The following SYNE2 variants were observed in gnomAD, a reference collection of about 807,000 sequenced individuals.
SYNE2 encodes the protein spectrin repeat containing nuclear envelope protein 2.
Under a neutral mutation model 856.3 loss-of-function variants are expected in SYNE2, and 431 were observed. The ratio of observed to expected loss-of-function variants is 0.50; its 90% confidence interval spans 0.47 to 0.55. The LOEUF is 0.55. Ranked by LOEUF, SYNE2 falls within the 20% of genes least tolerant of loss-of-function variation. The pLI, the probability that SYNE2 is intolerant of heterozygous loss-of-function variation, is 0.00. For synonymous variants in SYNE2, 2,923 were observed against 2,872.3 expected, an observed-to-expected ratio of 1.02 and a Z score of -0.56; for missense variants, 8,129 against 8,023.2, an observed-to-expected ratio of 1.01 and a Z score of -0.50.
At position 63,813,747 on chromosome 14, in the gene SYNE2, C is replaced by T. The variant is rs564724288; in HGVS notation, c.-304-38754C>T. Among the ~76,000 whole-genome samples, 10 of 152,158 alleles carry T rather than the reference C, an allele frequency of 6.6e-5. 1 individual carries two copies. The South Asian group carries it at 1.7e-3, about 25-fold the overall frequency. ...CACCAGCCTGGACAAAATGGTGAAA[C>T]TCCGTCTCTACTAAAAAAGTATTAG... On this transcript the variant is annotated intron_variant, in intron 1 of 23. Transcript: ENST00000674003.
chr14:64,038,114 C>T (rs1404372960), intron 45 of SYNE2, among the ~76,000 whole-genome samples: 16 of 152,012 alleles, frequency 1.1e-4, no homozygotes, highest in Non-Finnish European at 1.9e-4. Flanking sequence ...TGCTCCTCAT[C>T]TCCCAGACGG....
Position 64,007,157 on chromosome 14 carries a change from C to T in SYNE2, c.4512C>T (p.Thr1504=), listed in dbSNP as rs935097653. Residue 1504 remains threonine (T), a synonymous_variant, in exon 31 of 116, where the codon ACC becomes ACT. Transcript: ENST00000555002. ...LPHFKDGREK[T]VNQQCQNTVV... Reference sequence around the variant, plus strand: ...ACTTCAAAGATGGCAGAGAAAAAACCGTGAATCAACAGTGCCAAAATACAG... The same window carrying T: ...ACTTCAAAGATGGCAGAGAAAAAACTGTGAATCAACAGTGCCAAAATACAG... 8 of 1,614,026 alleles carry T rather than the reference C, an allele frequency of 5.0e-6. No individual in the cohort carries two copies. The highest frequency in any genetic ancestry group is 2.2e-5 in the East Asian group (1 of 44,868).
chr14:64,133,928 A>C, intron 77 of SYNE2, 141 bp from the exon 78 acceptor site: 2 of 897,708 alleles, frequency 2.2e-6, no homozygotes, highest in Non-Finnish European at 3.5e-6. Flanking sequence ...GGGTGGGGTT[A>C]CGTCTCTCGA....
chr14:63,772,808 G>C (rs1886966863), intron 1 of SYNE2, among the ~76,000 whole-genome samples: 2 of 151,132 alleles, frequency 1.3e-5, no homozygotes, highest in Admixed American at 1.3e-4. Flanking sequence ...ATGGAGTTTT[G>C]CCCTTGTTGC....
intron 64 of SYNE2, among the ~76,000 whole-genome samples, chr14:64,105,834 C>T (rs1464514095): frequency 6.6e-6 from 1 of 151,508 alleles, no homozygotes; most frequent in Non-Finnish European, 1.5e-5. Flanking sequence ...CTGAGGTGGG[C>T]GGACAGCTTG....
At chr14:64,156,716 C>T (rs1351982443) in intron 85 of SYNE2, among the ~76,000 whole-genome samples, 1 of 152,190 alleles carries the variant, frequency 6.6e-6, no homozygotes, top group East Asian at 1.9e-4. Context: ...ACCTTGGCCT[C>T]CCAAAGTGCT....
At chr14:63,955,864 G>T (rs965482586) in intron 8 of SYNE2, among the ~76,000 whole-genome samples, 1 of 152,146 alleles carries the variant, frequency 6.6e-6, no homozygotes, top group African/African-American at 2.4e-5. Context: ...GGTTGTATTT[G>T]CTGAAGAAGT....
intron 1 of SYNE2, among the ~76,000 whole-genome samples, chr14:63,891,736 T>C (rs567356331): frequency 6.6e-6 from 1 of 152,162 alleles, no homozygotes; most frequent in South Asian, 2.1e-4. Context: ...AAACAGACCT[T>C]ATCTGAAAAA....
intron 11 of SYNE2, among the ~76,000 whole-genome samples, chr14:63,972,057 G>A (rs778621774): frequency 6.6e-6 from 1 of 152,134 alleles, no homozygotes; most frequent in Non-Finnish European, 1.5e-5. Context: ...GTATTAAATA[G>A]CAGTCCAGTG....
At chr14:64,077,207 G>A (rs998309273) in intron 54 of SYNE2, among the ~76,000 whole-genome samples, 1 of 152,086 alleles carries the variant, frequency 6.6e-6, no homozygotes, top group African/African-American at 2.4e-5. Flanking sequence ...GACAGACATA[G>A]TAACATTGTG....
chr14:64,188,876 A>G, intron 98 of SYNE2, 168 bp downstream of exon 98: 2 of 757,230 alleles, frequency 2.6e-6, no homozygotes, highest in Non-Finnish European at 4.6e-6. Flanking sequence ...GTTGGAAGAG[A>G]GGAGGTTCCA....
chr14:64,018,234 G>A (rs1039631258), intron 34 of SYNE2, among the ~76,000 whole-genome samples: 3 of 151,966 alleles, frequency 2.0e-5, no homozygotes, highest in African/African-American at 7.2e-5. Flanking sequence ...GGGGTTACCA[G>A]ACTTTTTCTT....
chr14:63,815,101 TCC>T lies in SYNE2; in HGVS notation c.-304-37399_-304-37398del, dbSNP rs1241422125. 3.6e-3 allele frequency among the ~76,000 whole-genome samples: 453 copies of T among 127,246 alleles called. 12 individuals are homozygous for T. Among genetic ancestry groups the T allele is most frequent in the Middle Eastern group, 9.5e-3 (2 of 210 alleles). 83.5% of individuals were successfully genotyped at this position (127,246 alleles called of 152,430 possible). ...ATATCCATATATATGCACATATATA[TCC>T]ACACATATATCCATATATATCCACA... On this transcript the variant is annotated intron_variant, in intron 1 of 23. Transcript: ENST00000674003.
chr14:63,947,242 A>G (rs2096049923), intron 6 of SYNE2, among the ~76,000 whole-genome samples: 1 of 152,194 alleles, frequency 6.6e-6, no homozygotes, highest in Admixed American at 6.5e-5. Flanking sequence ...TTCTGCAGTG[A>G]TGGAACTGTT....
At chr14:64,068,348 A>G (rs1015576424) in intron 51 of SYNE2, among the ~76,000 whole-genome samples, 1 of 151,888 alleles carries the variant, frequency 6.6e-6, no homozygotes, top group African/African-American at 2.4e-5. Context: ...TAGTATTTCC[A>G]TTTCCAGAAT....
chr14:63,816,111 G>T (rs1888979854), intron 1 of SYNE2, among the ~76,000 whole-genome samples: 1 of 151,938 alleles, frequency 6.6e-6, no homozygotes, highest in African/African-American at 2.4e-5. Context: ...ACCACGCCCA[G>T]CTAATTTTTG....
chr14:64,029,755 C>A (rs1215052051), intron 43 of SYNE2, 140 bp from the exon 44 acceptor site: 8 of 1,051,998 alleles, frequency 7.6e-6, no homozygotes, highest in Non-Finnish European at 1.1e-5. Context: ...ACTCTAAAAT[C>A]TTTAGAACTC....
chr14:63,764,529 T>TA lies in SYNE2; in HGVS notation c.-305+2554dup, dbSNP rs1174838510. Reference sequence around the variant, plus strand: ...GCCCCCCGCCCCCGCCTCCATCTCTTAAAAAAAAAAATCTGTTCTTTTGAC... The same window carrying TA: ...GCCCCCCGCCCCCGCCTCCATCTCTTAAAAAAAAAAAATCTGTTCTTTTGAC... On this transcript the variant is annotated intron_variant, in intron 1 of 23. Coordinates refer to the SYNE2 transcript ENST00000674003. Among the ~76,000 whole-genome samples the TA allele has an allele frequency of 1.4e-3, 186 of 128,338 alleles. No homozygotes were observed. In the Middle Eastern group the frequency reaches 0.03, roughly 21 times the overall value. The allele number at this position is 128,338 out of a possible 152,430, so 84.2% of individuals were successfully genotyped here. A position where few individuals can be genotyped will look rare whatever the true frequency, so the allele number is the denominator to read the frequency against.
At chr14:63,801,729 T>G (rs1427714257) in intron 1 of SYNE2, among the ~76,000 whole-genome samples, 6 of 151,820 alleles carry the variant, frequency 4.0e-5, no homozygotes, top group Non-Finnish European at 8.8e-5. Flanking sequence ...AAAAGGATAA[T>G]TCTATTTAAA....
Sources: gnomAD v4.1 joint callset for allele counts (sites outside exome capture counted in the v4.1 genomes callset) on GRCh38, gnomAD v4.1.1 for gene constraint, MANE v1.5 for transcripts, NCBI Gene and HGNC (gene_info 2026-07-23, HGNC 2026-07-21) for gene names.